NPTXR: variants seen among roughly 807,000 people sequenced by gnomAD.
The protein encoded by NPTXR is neuronal pentraxin receptor.
In NPTXR, 12 loss-of-function variants were observed where a neutral mutation model predicts 32.2. The observed-to-expected ratio is 0.37, with a 90% CI of 0.24 to 0.60. The LOEUF (loss-of-function observed/expected upper bound fraction) is 0.60. Ranked by LOEUF, NPTXR falls within the 20% of genes least tolerant of loss-of-function variation. NPTXR has a pLI of 0.66. For missense variants in NPTXR, 612 were observed against 682.9 expected (o/e 0.90, Z 1.16); for synonymous variants, 323 against 315.8 (o/e 1.02, Z -0.24).
chr22:38,837,588 G>A (rs1239486651), intron 1 of NPTXR, among the ~76,000 whole-genome samples: 2 of 152,168 alleles, frequency 1.3e-5, no homozygotes, highest in Non-Finnish European at 2.9e-5. Context: ...GGAGTGGGTG[G>A]AAGGGGCTCG....
At chr22:38,842,485 G>A (rs2093133007) in intron 1 of NPTXR, among the ~76,000 whole-genome samples, 1 of 152,252 alleles carries the variant, frequency 6.6e-6, no homozygotes, top group African/African-American at 2.4e-5. Context: ...AGAGCCAAGA[G>A]TGGGTTCCCC....
At chr22:38,829,388 G>T (rs1346388844) in intron 1 of NPTXR, among the ~76,000 whole-genome samples, 3 of 152,126 alleles carry the variant, frequency 2.0e-5, no homozygotes, top group Admixed American at 1.3e-4. Flanking sequence ...GCAGGAGCTG[G>T]GAGGGTTTCC....
In NPTXR at chr22:38,828,320, C is replaced by T. The variant is rs751260752; in HGVS notation, c.817G>A (p.Val273Ile). 62 of 1,613,450 alleles carry T rather than the reference C, an allele frequency of 3.8e-5. No homozygotes were observed. Among genetic ancestry groups the T allele is most frequent in the African/African-American group, 1.3e-4 (10 of 74,930 alleles). The change falls in exon 2 of 5, where the codon GTC becomes ATC. Residue 273 changes from valine to isoleucine, a missense_variant. By Grantham distance (29) the Val-to-Ile change is conservative (BLOSUM62 3). Transcript: ENST00000333039. Reference sequence around the variant, plus strand: ...AGCTCAGCCACACGACCCTGCAGGACGTCCAACTCCTTTTCCACTTCCTGC... The same window carrying T: ...AGCTCAGCCACACGACCCTGCAGGATGTCCAACTCCTTTTCCACTTCCTGC...
chr22:38,841,225 G>T (rs568471870), intron 1 of NPTXR, among the ~76,000 whole-genome samples: 1 of 152,216 alleles, frequency 6.6e-6, no homozygotes, highest in Admixed American at 6.5e-5. Flanking sequence ...CTGTTGCCAC[G>T]CTCAGAAAGC....
In NPTXR at chr22:38,823,077, C is replaced by A. The variant is rs368124740; in HGVS notation, c.1278+6G>T. ...GGTCCAGCCCCAATATCAGCCTGAG[C>A]CTTACCTGCTCCTGGCCCAAGATAA... On this transcript the variant is annotated splice_donor_region_variant and intron_variant, in intron 4 of 4. Coordinates refer to ENST00000333039, the MANE Select transcript of NPTXR (RefSeq NM_014293.4). 6 of 1,613,932 alleles carry A rather than the reference C, an allele frequency of 3.7e-6. No individual in the cohort carries two copies. In the African/African-American group the frequency reaches 8.0e-5, roughly 22 times the overall value.
chr22:38,831,344 C>G (rs1264638221), intron 1 of NPTXR, among the ~76,000 whole-genome samples: 1 of 152,110 alleles, frequency 6.6e-6, no homozygotes, highest in African/African-American at 2.4e-5. Context: ...GAGGTTGAGG[C>G]TGCGGTGAGT....
rs1415475859 is a variant in NPTXR, at chr22:38,843,017, G to C, written c.624+218C>G. Among the ~76,000 whole-genome samples, 1 of 152,224 alleles carries C rather than the reference G, an allele frequency of 6.6e-6. No individual in the cohort carries two copies. Among genetic ancestry groups the C allele is most frequent in the Non-Finnish European group, 1.5e-5 (1 of 68,036 alleles). On this transcript the variant is annotated intron_variant, in intron 1 of 4. Coordinates refer to ENST00000333039, the MANE Select transcript of NPTXR (RefSeq NM_014293.4). The surrounding 1 kb of genome is among the most constrained non-coding windows in gnomAD (Gnocchi z 5.3). Reference sequence around the variant, plus strand: ...AGGTGCCTGGAGACGGAAAAGGGTGGGGAGCGAATCTTTCTGGCGCGCCCT... The same window carrying C: ...AGGTGCCTGGAGACGGAAAAGGGTGCGGAGCGAATCTTTCTGGCGCGCCCT...
intron 1 of NPTXR, among the ~76,000 whole-genome samples, chr22:38,831,039 G>C (rs137874660): frequency 6.6e-6 from 1 of 152,216 alleles, no homozygotes; most frequent in Admixed American, 6.5e-5. Context: ...TTGCTTTCCC[G>C]AGGGCTCCTT....
chr22:38,831,810 C>A (rs1248511072), intron 1 of NPTXR, among the ~76,000 whole-genome samples: 1 of 152,180 alleles, frequency 6.6e-6, no homozygotes, highest in African/African-American at 2.4e-5. Context: ...GTGCACCGGG[C>A]CCATCATAGG....
chr22:38,827,942 T>A (rs892171710), intron 2 of NPTXR, among the ~76,000 whole-genome samples: 1 of 152,200 alleles, frequency 6.6e-6, no homozygotes, highest in Non-Finnish European at 1.5e-5. Flanking sequence ...TCAGACCTTG[T>A]TTGAGGTCCA....
Position 38,822,764 on chromosome 22 carries a change from C to T in NPTXR, c.1348G>A (p.Asp450Asn). 6.2e-7 allele frequency: 1 copy of T among 1,614,186 alleles called. No homozygotes were observed. Among genetic ancestry groups the T allele is most frequent in the Non-Finnish European group, 8.5e-7 (1 of 1,180,026 alleles). Residue 450 changes from aspartate to asparagine, a missense_variant, in exon 5 of 5, where the codon GAC becomes AAC. Asp to Asn is a conservative substitution (Grantham distance 23). Transcript: ENST00000333039. Reference sequence around the variant, plus strand: ...ACCTGGGCTGGTGTCAGGGCGTGGTCCCACAGGTTAAACTGGGCAATGTCA... The same window carrying T: ...ACCTGGGCTGGTGTCAGGGCGTGGTTCCACAGGTTAAACTGGGCAATGTCA...
intron 1 of NPTXR, among the ~76,000 whole-genome samples, chr22:38,840,607 G>A (rs1430761761): frequency 2.0e-5 from 3 of 152,128 alleles, no homozygotes. Context: ...CCTGGTTCAA[G>A]CTGAAACACA....
chr22:38,826,125 G>A (rs1603244974), intron 3 of NPTXR, among the ~76,000 whole-genome samples: 1 of 152,292 alleles, frequency 6.6e-6, no homozygotes. Context: ...TTACAGGCAT[G>A]AGCCAGTGCG....
rs1325738969 is a variant in NPTXR at position 38,826,639 on chromosome 22, G to C, written c.959C>G (p.Thr320Ser). The change falls in exon 3 of 5, where the codon ACC becomes AGC. Residue 320 changes from threonine to serine, a missense_variant. Coordinates refer to ENST00000333039, the MANE Select transcript of NPTXR (RefSeq NM_014293.4). ...CCTGGACCGCAGCCACATGCAGGCG[G>C]TGAATGCGTAGAGCTCGGGCAGAGC... The C allele has an allele frequency of 6.2e-7, 1 of 1,614,278 alleles. No individual in the cohort carries two copies. The highest frequency in any genetic ancestry group is 1.7e-5 in the Admixed American group (1 of 60,034).
intron 3 of NPTXR, among the ~76,000 whole-genome samples, chr22:38,825,846 T>C (rs1293700048): frequency 0.011 from 1,592 of 149,096 alleles, 28 homozygotes; most frequent in African/African-American, 0.037. Context: ...CTCTCTTTTT[T>C]TTTTTTTTTT....
Position 38,826,418 on chromosome 22 carries a change from G to C in NPTXR, c.1098+82C>G. 2.0e-6 allele frequency: 3 copies of C among 1,466,814 alleles called. 1 individual carries two copies. In the South Asian group the frequency reaches 3.9e-5, roughly 19 times the overall value. 90.9% of individuals were successfully genotyped at this position (1,466,814 alleles called of 1,614,324 possible). ...ATGCAGAGCAGGAGAATGAGCAGGAGAATGAAAGAGCCCAGTGTGGAGTGG... is the reference window on the plus strand; with the variant it reads ...ATGCAGAGCAGGAGAATGAGCAGGACAATGAAAGAGCCCAGTGTGGAGTGG... On this transcript the variant is annotated intron_variant, in intron 3 of 4. Transcript: ENST00000333039.
chr22:38,834,702 G>A lies in NPTXR; in HGVS notation c.625-6190C>T, dbSNP rs1077249. Among the ~76,000 whole-genome samples, 62,118 of 151,500 alleles carry A rather than the reference G, an allele frequency of 0.41. 13,038 individuals carry two copies. Among genetic ancestry groups the A allele is most frequent in the East Asian group, 0.7 (3,622 of 5,152 alleles). ...GAACTGTCACGTTAGACAGGCCAGCGTCATTTTCAGTTCCTTGCTTACTAG... is the reference window on the plus strand; with the variant it reads ...GAACTGTCACGTTAGACAGGCCAGCATCATTTTCAGTTCCTTGCTTACTAG... On this transcript the variant is annotated intron_variant, in intron 1 of 4. Transcript: ENST00000333039. This position sits in a 1 kb window ranked among gnomAD's most constrained non-coding sequence, Gnocchi z 4.4.
chr22:38,833,537 G>A (rs1316177854), intron 1 of NPTXR, among the ~76,000 whole-genome samples: 2 of 152,214 alleles, frequency 1.3e-5, no homozygotes, highest in Non-Finnish European at 2.9e-5. Flanking sequence ...AAGGGTAAAA[G>A]AGTAAATCTC....
rs373593950 is a variant in NPTXR, at chr22:38,822,669, C to T, written c.1443G>A (p.Glu481=). 4.3e-6 allele frequency: 7 copies of T among 1,613,998 alleles called. No homozygotes were observed. The African/African-American group carries it at 8.0e-5, about 18-fold the overall frequency. Reference sequence around the variant, plus strand: ...CAGCCTTTGTTGCACCCCCAAAGGCCTCCACCAACTTGTCTTCCCAGGGAA... The same window carrying T: ...CAGCCTTTGTTGCACCCCCAAAGGCTTCCACCAACTTGTCTTCCCAGGGAA... Residue 481 remains glutamate (E), a synonymous_variant, in exon 5 of 5, where the codon GAG becomes GAA. Coordinates refer to ENST00000333039, the MANE Select transcript of NPTXR (RefSeq NM_014293.4).
Sources: allele counts gnomAD v4.1 joint callset (sites outside exome capture counted in the v4.1 genomes callset), GRCh38; gene constraint gnomAD v4.1.1; non-coding constraint Gnocchi (gnomAD v3.1); transcripts MANE v1.5; gene names NCBI Gene and HGNC (gene_info 2026-07-23, HGNC 2026-07-21).